Variants in NR5A2 observed in about 807,000 individuals in gnomAD.
The protein encoded by NR5A2 is CYP7A promoter-binding factor.
Under a neutral mutation model 62.7 loss-of-function variants are expected in NR5A2, and 26 were observed. That is an observed-to-expected ratio of 0.41 (90% CI 0.30 to 0.58). The LOEUF is 0.58. Ranked by LOEUF, NR5A2 falls within the 20% of genes least tolerant of loss-of-function variation. The pLI, the probability that NR5A2 is intolerant of heterozygous loss-of-function variation, is 0.22. For missense variants in NR5A2, 541 were observed against 669.1 expected, an observed-to-expected ratio of 0.81 and a Z score of 2.11; for synonymous variants, 246 against 241.7, an observed-to-expected ratio of 1.02 and a Z score of -0.16.
chr1:200,109,584 T>C (rs1457423223), intron 5 of NR5A2, among the ~76,000 whole-genome samples: 1 of 152,170 alleles, frequency 6.6e-6, no homozygotes, highest in African/African-American at 2.4e-5. Flanking sequence ...TGTCCTGAAA[T>C]TGTGGAAATA....
intron 7 of NR5A2, among the ~76,000 whole-genome samples, chr1:200,131,663 A>T (rs1666974571): frequency 6.6e-6 from 1 of 152,172 alleles, no homozygotes; most frequent in African/African-American, 2.4e-5. Flanking sequence ...ACCAGCTCAG[A>T]AGAGCGTAGT....
chr1:200,163,627 G>A (rs915825668), intron 7 of NR5A2, among the ~76,000 whole-genome samples: 2 of 151,910 alleles, frequency 1.3e-5, no homozygotes, highest in Non-Finnish European at 2.9e-5. Flanking sequence ...GACTATAGGC[G>A]CAGACCATCA....
chr1:200,154,221 G>T (rs1653271455), intron 7 of NR5A2, among the ~76,000 whole-genome samples: 1 of 151,996 alleles, frequency 6.6e-6, no homozygotes, highest in African/African-American at 2.4e-5. Flanking sequence ...TCCTGAAGTT[G>T]TGTGTGTGTG....
In NR5A2 at chr1:200,106,788, G is replaced by A. The variant is rs144241002; in HGVS notation, c.1111-4414G>A. Among the ~76,000 whole-genome samples the A allele has an allele frequency of 4.7e-3, 714 of 152,140 alleles. 29 individuals carry two copies. Among genetic ancestry groups the A allele is most frequent in the Admixed American group, 0.045 (681 of 15,258 alleles). The stretch of plus-strand genomic sequence containing the variant: ...TAAAAAACAAAAAATCTTCAAAATT[G>A]TCAACATTGCTCAATTGTTGAGAAC... On this transcript the variant is annotated intron_variant, in intron 5 of 7. Coordinates refer to ENST00000367362, the MANE Select transcript of NR5A2 (RefSeq NM_205860.3).
At chr1:200,123,189 T>C (rs962935168) in intron 7 of NR5A2, among the ~76,000 whole-genome samples, 2 of 152,050 alleles carry the variant, frequency 1.3e-5, no homozygotes, top group Non-Finnish European at 2.9e-5. Context: ...TGGAGAAAAA[T>C]GAAGATTCTG....
rs775196964 is a variant in NR5A2 at position 200,039,827 on chromosome 1, C to A, written c.202+32C>A. 6.3e-7 allele frequency: 1 copy of A among 1,583,240 alleles called. No homozygotes were observed. The highest frequency in any genetic ancestry group is 1.8e-5 in the Admixed American group (1 of 56,114). On this transcript the variant is annotated intron_variant, in intron 2 of 7. Coordinates refer to ENST00000367362, the MANE Select transcript of NR5A2 (RefSeq NM_205860.3). This position sits in a 1 kb window ranked among gnomAD's most constrained non-coding sequence, Gnocchi z 5.1. ...AGGCGCCGCGCGGCGCTCCGGCTCCCGCTGCTTCCCCACCCCCGGGCTCGC... is the reference window on the plus strand; with the variant it reads ...AGGCGCCGCGCGGCGCTCCGGCTCCAGCTGCTTCCCCACCCCCGGGCTCGC...
At chr1:200,035,329 G>A (rs930587352) in intron 1 of NR5A2, among the ~76,000 whole-genome samples, 1 of 152,150 alleles carries the variant, frequency 6.6e-6, no homozygotes, top group African/African-American at 2.4e-5. Context: ...GCAAGTTTGG[G>A]TGGGTCATCT....
Position 200,170,410 on chromosome 1 carries a change from C to T in NR5A2, c.1379-3553C>T, listed in dbSNP as rs142276350. 1.6e-4 allele frequency among the ~76,000 whole-genome samples: 25 copies of T among 152,330 alleles called. No individual in the cohort carries two copies. In the East Asian group the frequency reaches 4.8e-3, roughly 29 times the overall value. On this transcript the variant is annotated intron_variant, in intron 7 of 7. Transcript: ENST00000367362. ...GAAAAAGTATGCATTTTCATCAAAA[C>T]TAATTCCATGAGTACCGAGGAAACA...
chr1:200,071,364 T>A (rs569507993), intron 5 of NR5A2, among the ~76,000 whole-genome samples: 1 of 152,226 alleles, frequency 6.6e-6, no homozygotes, highest in Non-Finnish European at 1.5e-5. Context: ...ACAGCTGTAA[T>A]GTTTCACAAT....
intron 7 of NR5A2, among the ~76,000 whole-genome samples, chr1:200,130,939 G>T (rs77449912): frequency 2.0e-3 from 306 of 152,258 alleles, no homozygotes; most frequent in African/African-American, 6.8e-3. Flanking sequence ...TTCATTCTCA[G>T]TGTTTACCTT....
chr1:200,151,655 C>CA (rs1653133637), intron 7 of NR5A2, among the ~76,000 whole-genome samples: 1 of 152,174 alleles, frequency 6.6e-6, no homozygotes, highest in Non-Finnish European at 1.5e-5. Flanking sequence ...AGGGAATGGA[C>CA]AGGAGGCATT....
At chr1:200,141,616 G>A (rs1207430578) in intron 7 of NR5A2, among the ~76,000 whole-genome samples, 1 of 152,062 alleles carries the variant, frequency 6.6e-6, no homozygotes, top group Admixed American at 6.6e-5. Flanking sequence ...CATTTCTCTT[G>A]GATAAATGCC....
intron 5 of NR5A2, among the ~76,000 whole-genome samples, chr1:200,049,395 G>A (rs1662526785): frequency 6.6e-6 from 1 of 152,204 alleles, no homozygotes; most frequent in Admixed American, 6.5e-5. Flanking sequence ...ACTGTCATTG[G>A]ATGGGGAATG....
intron 7 of NR5A2, among the ~76,000 whole-genome samples, chr1:200,123,255 T>C (rs1413435144): frequency 6.6e-6 from 1 of 152,206 alleles, no homozygotes; most frequent in Non-Finnish European, 1.5e-5. Flanking sequence ...AGTATTCTCC[T>C]GTGAGAGATG....
intron 7 of NR5A2, among the ~76,000 whole-genome samples, chr1:200,169,123 C>T (rs187804272): frequency 2.6e-5 from 4 of 152,152 alleles, no homozygotes; most frequent in East Asian, 1.9e-4. Flanking sequence ...GCCAGAGGAT[C>T]GCTCAAGCCC....
intron 5 of NR5A2, among the ~76,000 whole-genome samples, chr1:200,080,039 T>C (rs1373456304): frequency 6.6e-6 from 1 of 152,236 alleles, no homozygotes; most frequent in Non-Finnish European, 1.5e-5. Flanking sequence ...CCCCAGGCTT[T>C]TAGCAAATGG....
At chr1:200,076,455 A>AT (rs11430284) in intron 5 of NR5A2, among the ~76,000 whole-genome samples, 67,482 of 146,254 alleles carry the variant, frequency 0.46, 15,230 homozygotes, top group Middle Eastern at 0.49. Context: ...ATGCCCAGGA[A>AT]TTTTTTTTTT....
chr1:200,175,777 C>T lies in NR5A2; in HGVS notation c.*1567C>T, dbSNP rs1009053023. The T allele has an allele frequency of 3.9e-5, 6 of 152,420 alleles. No homozygotes were observed. Among genetic ancestry groups the T allele is most frequent in the East Asian group, 3.8e-4 (2 of 5,198 alleles). The allele number at this position is 152,420 out of a possible 1,614,324, so 9.4% of individuals were successfully genotyped here. A position where few individuals can be genotyped will look rare whatever the true frequency, so the allele number is the denominator to read the frequency against. ...TGTCGTGAGACACTAAAATCAAAAACGGGAATCTCATTTAGACTTTAATTT... is the reference window on the plus strand; with the variant it reads ...TGTCGTGAGACACTAAAATCAAAAATGGGAATCTCATTTAGACTTTAATTT... On this transcript the variant is annotated 3_prime_UTR_variant, in exon 8 of 8. Transcript: ENST00000367362.
intron 5 of NR5A2, among the ~76,000 whole-genome samples, chr1:200,061,968 T>C (rs769238033): frequency 4.6e-5 from 7 of 152,196 alleles, no homozygotes; most frequent in African/African-American, 7.2e-5. Flanking sequence ...ACTGGATACA[T>C]GTTGAATTAA....
Sources: allele counts gnomAD v4.1 joint callset (sites outside exome capture counted in the v4.1 genomes callset), GRCh38; gene constraint gnomAD v4.1.1; non-coding constraint Gnocchi (gnomAD v3.1); transcripts MANE v1.5; gene names NCBI Gene and HGNC (gene_info 2026-07-23, HGNC 2026-07-21).